The following SLC27A2 variants were observed in gnomAD, a reference collection of about 807,000 sequenced individuals.
SLC27A2 encodes solute carrier family 27 member 2.
SLC27A2 carries 54 observed loss-of-function variants against 60.0 expected under a neutral mutation model. The ratio of observed to expected loss-of-function variants is 0.90; its 90% CI spans 0.72 to 1.13. SLC27A2 has a LOEUF of 1.13. SLC27A2 is among the 50% of genes most tolerant of loss of function. The pLI, the probability that SLC27A2 is intolerant of heterozygous loss-of-function variation, is 0.00. For missense variants in SLC27A2, 739 were observed against 777.6 expected, an observed-to-expected ratio of 0.95 and a Z score of 0.59; for synonymous variants, 297 against 297.6, an observed-to-expected ratio of 1.00 and a Z score of 0.02.
rs1013500224 is a variant in SLC27A2, at chr15:50,236,006, C to G, written c.1773C>G (p.Ala591=). The G allele has an allele frequency of 1.2e-6, 2 of 1,613,982 alleles. No individual in the cohort carries two copies. The highest frequency in any genetic ancestry group is 1.7e-5 in the Admixed American group (1 of 60,006). ...EGFNPAVIKD[A]LYFLDDTAKM... ...TTAACCCTGCTGTCATCAAAGATGC[C>G]TTGTATTTCTTGGATGACACAGCAA... The change falls in exon 10 of 10, where the codon GCC becomes GCG. Residue 591 remains alanine, a synonymous_variant. Transcript: ENST00000267842.
At position 50,186,942 on chromosome 15, in the gene SLC27A2, G is replaced by A. The variant is rs188509404; in HGVS notation, c.478+4037G>A. On this transcript the variant is annotated intron_variant, in intron 1 of 9. Transcript: ENST00000267842. ...TTCCATATTTTGAGTTTCAGCCCAGGGCTTGTGGACTAGTAAGAGCTCTTG... is the reference window on the plus strand; with the variant it reads ...TTCCATATTTTGAGTTTCAGCCCAGAGCTTGTGGACTAGTAAGAGCTCTTG... Among the ~76,000 whole-genome samples, 56 of 152,266 alleles carry A rather than the reference G, an allele frequency of 3.7e-4. 1 individual carries two copies. The highest frequency in any genetic ancestry group is 1.3e-3 in the African/African-American group (56 of 41,540).
chr15:50,235,667 T>C (rs2045346713), intron 9 of SLC27A2, among the ~76,000 whole-genome samples: 1 of 152,244 alleles, frequency 6.6e-6, no homozygotes, highest in Admixed American at 6.5e-5. Flanking sequence ...ATTTGCTAAC[T>C]AGCCAAACTA....
intron 8 of SLC27A2, among the ~76,000 whole-genome samples, chr15:50,229,957 C>T (rs930893800): frequency 3.3e-5 from 5 of 152,036 alleles, no homozygotes; most frequent in African/African-American, 4.8e-5. Context: ...TATTCAAGGC[C>T]GAGCATGGTG....
At chr15:50,216,820 A>G (rs945441330) in intron 4 of SLC27A2, among the ~76,000 whole-genome samples, 4 of 132,268 alleles carry the variant, frequency 3.0e-5, no homozygotes, top group South Asian at 4.8e-4. Flanking sequence ...TATATATTTT[A>G]TGGATATATA....
At chr15:50,192,937 C>T (rs1007879302) in intron 1 of SLC27A2, among the ~76,000 whole-genome samples, 2 of 152,056 alleles carry the variant, frequency 1.3e-5, no homozygotes, top group South Asian at 4.1e-4. Context: ...TACCAGATAT[C>T]TCTTAAGTAC....
chr15:50,232,741 A>G (rs1252068300), intron 8 of SLC27A2, among the ~76,000 whole-genome samples: 2 of 152,210 alleles, frequency 1.3e-5, no homozygotes, highest in African/African-American at 4.8e-5. Context: ...GATTTCTAAG[A>G]CAGGTGCTAG....
intron 1 of SLC27A2, among the ~76,000 whole-genome samples, chr15:50,196,350 C>G (rs2140899314): frequency 6.6e-6 from 1 of 151,640 alleles, no homozygotes; most frequent in Admixed American, 6.6e-5. Context: ...TAAAAATGAA[C>G]AGCCCTGTTC....
At chr15:50,211,139 T>A (rs1190347311) in intron 4 of SLC27A2, among the ~76,000 whole-genome samples, 1 of 152,210 alleles carries the variant, frequency 6.6e-6, no homozygotes, top group Non-Finnish European at 1.5e-5. Flanking sequence ...TTACAGCTGA[T>A]GCTTTCTGGA....
chr15:50,216,610 G>GTGTGTATATATA (rs1323910367), intron 4 of SLC27A2, among the ~76,000 whole-genome samples: 5 of 66,478 alleles, frequency 7.5e-5, no homozygotes, highest in African/African-American at 2.8e-4. Context: ...GTGTGTGTGT[G>GTGTGTATATATA]TATATATATA....
chr15:50,207,135 G>T (rs1360526906), intron 4 of SLC27A2, among the ~76,000 whole-genome samples: 1 of 152,066 alleles, frequency 6.6e-6, no homozygotes, highest in African/African-American at 2.4e-5. Flanking sequence ...AGTGTGTGTT[G>T]TTTCTGTATG....
intron 8 of SLC27A2, among the ~76,000 whole-genome samples, chr15:50,230,446 G>T (rs2045309755): frequency 6.6e-6 from 1 of 152,076 alleles, no homozygotes; most frequent in South Asian, 2.1e-4. Context: ...GGGAGGCTGA[G>T]GCAGGAGAAT....
At chr15:50,192,787 T>TA (rs35220625) in intron 1 of SLC27A2, among the ~76,000 whole-genome samples, 7,723 of 136,458 alleles carry the variant, frequency 0.057, 392 homozygotes, top group African/African-American at 0.14. Context: ...ACATTTTTCT[T>TA]AAAAAAAAAA....
rs1293580158 is a variant in SLC27A2 at position 50,223,069 on chromosome 15, T to C, written c.1077T>C (p.Tyr359=). 6.2e-7 allele frequency: 1 copy of C among 1,614,056 alleles called. No homozygotes were observed. Among genetic ancestry groups the C allele is most frequent in the East Asian group, 2.2e-5 (1 of 44,874 alleles). The change falls in exon 5 of 10, where the codon TAT becomes TAC. Residue 359 remains tyrosine, a synonymous_variant. Transcript: ENST00000267842. ...AGAGATTTGGGGACATATGCATCTATGAGTTCTATGCTGCCACTGAAGGCA... is the reference window on the plus strand; with the variant it reads ...AGAGATTTGGGGACATATGCATCTACGAGTTCTATGCTGCCACTGAAGGCA... The part of the protein sequence containing the change: ...FVKRFGDICI[Y]EFYAATEGNI...
At chr15:50,219,188 C>T (rs1208402430) in intron 4 of SLC27A2, among the ~76,000 whole-genome samples, 1 of 152,074 alleles carries the variant, frequency 6.6e-6, no homozygotes, top group Non-Finnish European at 1.5e-5. Flanking sequence ...AATAGGAAAT[C>T]TGAAATTGAC....
chr15:50,202,550 T>G lies in SLC27A2; in HGVS notation c.752T>G (p.Val251Gly), dbSNP rs2045073224. ...TGGTATGGAACTGGCCTCACTTTTGTAAGCGGATTGAAGGCAGATGATGTC... is the reference window on the plus strand; with the variant it reads ...TGGTATGGAACTGGCCTCACTTTTGGAAGCGGATTGAAGGCAGATGATGTC... The part of the protein sequence containing the change: ...RIWYGTGLTF[V>G]SGLKADDVIY... The change falls in exon 3 of 10, where the codon GTA becomes GGA. Residue 251 changes from valine (V) to glycine (G), a missense_variant. Val to Gly is a moderately radical substitution (Grantham distance 109, BLOSUM62 -3). Transcript: ENST00000267842. 6.2e-7 allele frequency: 1 copy of G among 1,614,070 alleles called. No homozygotes were observed. Among genetic ancestry groups the G allele is most frequent in the Non-Finnish European group, 8.5e-7 (1 of 1,180,014 alleles).
chr15:50,184,288 C>G (rs1271047074), intron 1 of SLC27A2, among the ~76,000 whole-genome samples: 1 of 152,038 alleles, frequency 6.6e-6, no homozygotes, highest in East Asian at 1.9e-4. Flanking sequence ...CCACCACACC[C>G]AGCCTCTTTC....
chr15:50,221,669 G>T (rs1270717496), intron 4 of SLC27A2, among the ~76,000 whole-genome samples: 1 of 152,140 alleles, frequency 6.6e-6, no homozygotes, highest in Non-Finnish European at 1.5e-5. Flanking sequence ...CTAACCAATT[G>T]CTGTTTTATC....
At chr15:50,216,610 G>GTGTGTGTA (rs1323910367) in intron 4 of SLC27A2, among the ~76,000 whole-genome samples, 11 of 66,478 alleles carry the variant, frequency 1.7e-4, no homozygotes, top group African/African-American at 5.5e-4. Context: ...GTGTGTGTGT[G>GTGTGTGTA]TATATATATA....
chr15:50,194,449 T>G (rs1406232813), intron 1 of SLC27A2, among the ~76,000 whole-genome samples: 1 of 151,498 alleles, frequency 6.6e-6, no homozygotes, highest in Non-Finnish European at 1.5e-5. Context: ...AGGTAGAGAG[T>G]AGGAGATGAC....
Sources: gnomAD v4.1 joint callset for allele counts (sites outside exome capture counted in the v4.1 genomes callset) on GRCh38, gnomAD v4.1.1 for gene constraint, MANE v1.5 for transcripts, NCBI Gene and HGNC (gene_info 2026-07-23, HGNC 2026-07-21) for gene names.